CSMD1: variants seen among roughly 807,000 people sequenced by gnomAD.
CSMD1 encodes the protein CUB and Sushi multiple domains 1.
Under a neutral mutation model 417.5 loss-of-function variants are expected in CSMD1, and 213 were observed. The observed-to-expected ratio is 0.51, with a 90% confidence interval of 0.46 to 0.57. The LOEUF (loss-of-function observed/expected upper bound fraction) is 0.57. Among genes scored for constraint, CSMD1 ranks in the 20% least tolerant of loss-of-function variants. The pLI is 0.00. For synonymous variants in CSMD1, 2,862 were observed against 1,736.8 expected, an observed-to-expected ratio of 1.65 and a Z score of -16.11; for missense variants, 6,923 against 4,529.7, an observed-to-expected ratio of 1.53 and a Z score of -15.17.
intron 11 of CSMD1, among the ~76,000 whole-genome samples, chr8:3,473,912 A>G (rs74407177): frequency 0.036 from 5,419 of 152,254 alleles, 166 homozygotes; most frequent in East Asian, 0.14. Context: ...GAAGCAAGGC[A>G]CGTCTTACAT....
intron 1 of CSMD1, among the ~76,000 whole-genome samples, chr8:4,928,339 G>A (rs567690558): frequency 6.6e-6 from 1 of 152,084 alleles, no homozygotes; most frequent in Non-Finnish European, 1.5e-5. Context: ...CCACCATCCG[G>A]TATCACTGTC....
intron 2 of CSMD1, among the ~76,000 whole-genome samples, chr8:4,459,004 C>T (rs1269821805): frequency 6.6e-6 from 1 of 152,190 alleles, no homozygotes; most frequent in Non-Finnish European, 1.5e-5. Flanking sequence ...GTTTGTGCAG[C>T]TTGGGCCACA....
At chr8:4,429,392 C>T (rs1199204734) in intron 2 of CSMD1, among the ~76,000 whole-genome samples, 2 of 152,076 alleles carry the variant, frequency 1.3e-5, no homozygotes, top group Non-Finnish European at 2.9e-5. Context: ...CATATACAAA[C>T]TATATCGGAC....
intron 1 of CSMD1, among the ~76,000 whole-genome samples, chr8:4,698,541 T>C (rs1807284715): frequency 6.6e-6 from 1 of 152,092 alleles, no homozygotes. Context: ...GGAAGTTTAT[T>C]TTTGAGACAG....
At position 4,994,740 on chromosome 8, in the gene CSMD1, G is replaced by A. The variant is rs1365813820; in HGVS notation, c.-324C>T. 3.2e-6 allele frequency: 1 copy of A among 314,706 alleles called. No homozygotes were observed. Among genetic ancestry groups the A allele is most frequent in the Non-Finnish European group, 5.9e-6 (1 of 170,476 alleles). 19.5% of individuals were successfully genotyped at this position (314,706 alleles called of 1,614,324 possible). On this transcript the variant is annotated 5_prime_UTR_variant, in exon 1 of 70. Transcript: ENST00000635120. ...AGGCTGCGGGAGGGGGAGAAGCGGG[G>A]AGAGGAGCGCGCGCAGCCAGGAGAG...
intron 3 of CSMD1, among the ~76,000 whole-genome samples, chr8:4,115,673 G>A (rs887081443): frequency 6.6e-6 from 1 of 152,136 alleles, no homozygotes; most frequent in Admixed American, 6.5e-5. Flanking sequence ...GCTAAAATTT[G>A]GAAGCGACCA....
intron 17 of CSMD1, among the ~76,000 whole-genome samples, chr8:3,389,250 C>T (rs7015334): frequency 0.43 from 65,886 of 151,738 alleles, 14,608 homozygotes; most frequent in Middle Eastern, 0.47. Flanking sequence ...TTGTTTTTCC[C>T]GATCCTCTCC....
At chr8:4,737,403 T>C (rs1810312476) in intron 1 of CSMD1, among the ~76,000 whole-genome samples, 2 of 152,012 alleles carry the variant, frequency 1.3e-5, no homozygotes, top group Admixed American at 1.3e-4. Context: ...AGGTTTAATA[T>C]CTGGGTGATG....
intron 4 of CSMD1, among the ~76,000 whole-genome samples, chr8:4,025,515 A>T (rs576828593): frequency 3.3e-5 from 5 of 152,234 alleles, no homozygotes; most frequent in Non-Finnish European, 7.3e-5. Flanking sequence ...TTTTTCATTG[A>T]AACTATCTAG....
intron 1 of CSMD1, among the ~76,000 whole-genome samples, chr8:4,738,131 G>C (rs1193172210): frequency 6.6e-6 from 1 of 152,226 alleles, no homozygotes; most frequent in Non-Finnish European, 1.5e-5. Flanking sequence ...TCTGTGCAAG[G>C]TCTCAAACAG....
intron 2 of CSMD1, among the ~76,000 whole-genome samples, chr8:4,546,585 G>A (rs1797647652): frequency 6.6e-6 from 1 of 152,124 alleles, no homozygotes. Flanking sequence ...CAGGCCTTCA[G>A]ATTCAGGACA....
chr8:3,202,650 C>G (rs66583310), intron 31 of CSMD1, among the ~76,000 whole-genome samples: 1 of 151,940 alleles, frequency 6.6e-6, no homozygotes, highest in Non-Finnish European at 1.5e-5. Flanking sequence ...CCATTATAAA[C>G]AAGAAATGGA....
intron 6 of CSMD1, among the ~76,000 whole-genome samples, chr8:3,714,663 G>A (rs867643343): frequency 1.3e-5 from 2 of 150,950 alleles, no homozygotes; most frequent in Admixed American, 6.6e-5. Flanking sequence ...CTTGAACCCC[G>A]GAGGCAGAGT....
In CSMD1 at chr8:4,365,502, G is replaced by T. The variant is rs188699920; in HGVS notation, c.415+54451C>A. On this transcript the variant is annotated intron_variant, in intron 3 of 69. Transcript: ENST00000635120. Reference sequence around the variant, plus strand: ...TCTACTGGCCTTAGGGCAGTGCTACGAATCCAGGCGTTGTGATTAAATTCC... The same window carrying T: ...TCTACTGGCCTTAGGGCAGTGCTACTAATCCAGGCGTTGTGATTAAATTCC... Among the ~76,000 whole-genome samples, 5 of 152,264 alleles carry T rather than the reference G, an allele frequency of 3.3e-5. No homozygotes were observed. In the East Asian group the frequency reaches 9.6e-4, roughly 29 times the overall value.
chr8:4,373,414 G>A (rs1345026744), intron 3 of CSMD1, among the ~76,000 whole-genome samples: 1 of 152,216 alleles, frequency 6.6e-6, no homozygotes, highest in Non-Finnish European at 1.5e-5. Context: ...GTTAACAACA[G>A]AGGAGACAGA....
intron 6 of CSMD1, among the ~76,000 whole-genome samples, chr8:3,753,022 A>C (rs1188993330): frequency 6.6e-6 from 1 of 152,146 alleles, no homozygotes; most frequent in Non-Finnish European, 1.5e-5. Context: ...GGTATTTACA[A>C]ACTGCAAACT....
rs1036197981 is a variant in CSMD1 at position 4,061,751 on chromosome 8, C to T, written c.416-29652G>A. ...TTAATTATTCTAATGAGTGAGTCAC[C>T]TCTCTGCATGTTCAGTACCTAAAAA... On this transcript the variant is annotated intron_variant, in intron 3 of 69. Coordinates refer to ENST00000635120, the MANE Select transcript of CSMD1 (RefSeq NM_033225.6). 2.6e-5 allele frequency among the ~76,000 whole-genome samples: 4 copies of T among 152,230 alleles called. No homozygotes were observed. The Middle Eastern group carries it at 0.01, about 388-fold the overall frequency.
chr8:3,664,744 C>T (rs1380237867), intron 7 of CSMD1, among the ~76,000 whole-genome samples: 1 of 152,168 alleles, frequency 6.6e-6, no homozygotes, highest in African/African-American at 2.4e-5. Context: ...TGAAGATGTC[C>T]AGGTTAACAT....
chr8:4,290,746 G>A (rs529222911), intron 3 of CSMD1, among the ~76,000 whole-genome samples: 1 of 152,134 alleles, frequency 6.6e-6, no homozygotes, highest in African/African-American at 2.4e-5. Flanking sequence ...CCTATCTGTA[G>A]TTTCATTTAG....
Sources: allele counts gnomAD v4.1 joint callset (sites outside exome capture counted in the v4.1 genomes callset), GRCh38; gene constraint gnomAD v4.1.1; transcripts MANE v1.5; gene names NCBI Gene and HGNC (gene_info 2026-07-23, HGNC 2026-07-21).